CAMSAP2: variants seen among roughly 807,000 people sequenced by gnomAD.
CAMSAP2 encodes calmodulin regulated spectrin associated protein family member 2, also known as calmodulin-regulated spectrin-associated protein 2.
In CAMSAP2, 26 loss-of-function variants were observed where a neutral mutation model predicts 146.1. The observed-to-expected ratio is 0.18, with a 90% CI of 0.13 to 0.25. CAMSAP2 has a LOEUF of 0.25. Ranked by LOEUF, CAMSAP2 falls within the 10% of genes least tolerant of loss-of-function variation. CAMSAP2 has a pLI of 1.00. For missense variants in CAMSAP2, 1,381 were observed against 1,759.3 expected, an observed-to-expected ratio of 0.78 and a Z score of 3.85; for synonymous variants, 499 against 596.6, an observed-to-expected ratio of 0.84 and a Z score of 2.38.
Position 200,858,187 on chromosome 1 carries a change from C to T in CAMSAP2, c.*128C>T. 5.1e-6 allele frequency: 4 copies of T among 787,522 alleles called. No homozygotes were observed. The highest frequency in any genetic ancestry group is 3.9e-6 in the Non-Finnish European group (2 of 506,656). The allele number at this position is 787,522 out of a possible 1,614,324, so 48.8% of individuals were successfully genotyped here. A position where few individuals can be genotyped will look rare whatever the true frequency, so the allele number is the denominator to read the frequency against. On this transcript the variant is annotated 3_prime_UTR_variant, in exon 17 of 17. Transcript: ENST00000358823. The stretch of plus-strand genomic sequence containing the variant: ...AAAACTGGACATTAAGCTCTGTTGT[C>T]ATGAACAACTGGAATGTAAACCACA...
At chr1:200,790,311 T>G (rs1246759457) in intron 2 of CAMSAP2, among the ~76,000 whole-genome samples, 1 of 152,038 alleles carries the variant, frequency 6.6e-6, no homozygotes, top group East Asian at 1.9e-4. Flanking sequence ...TATTTAGAAA[T>G]TCTCTCTCCC....
At chr1:200,817,484 A>G (rs1213378099) in intron 4 of CAMSAP2, among the ~76,000 whole-genome samples, 1 of 152,152 alleles carries the variant, frequency 6.6e-6, no homozygotes, top group African/African-American at 2.4e-5. Context: ...ATGTATTGTA[A>G]TTGGAACCCT....
Position 200,832,900 on chromosome 1 carries a change from A to AAAAC in CAMSAP2, c.927+63_927+66dup. The AAAAC allele has an allele frequency of 2.8e-6, 4 of 1,418,898 alleles. No individual in the cohort carries two copies. Among genetic ancestry groups the AAAAC allele is most frequent in the Non-Finnish European group, 3.8e-6 (4 of 1,050,882 alleles). 87.9% of individuals were successfully genotyped at this position (1,418,898 alleles called of 1,614,324 possible). A position where few individuals can be genotyped will look rare whatever the true frequency, so the allele number is the denominator to read the frequency against. ...GCTTTGTTAAAATATGTTTTTTTAA[A>AAAAC]AAACAAACAAAAACACCGGGAACAG... On this transcript the variant is annotated intron_variant, in intron 6 of 16. Transcript: ENST00000358823. The surrounding 1 kb of genome is among the most constrained non-coding windows in gnomAD (Gnocchi z 4.2).
chr1:200,751,040 T>G (rs2102991712), intron 1 of CAMSAP2, among the ~76,000 whole-genome samples: 1 of 151,560 alleles, frequency 6.6e-6, no homozygotes, highest in Admixed American at 6.6e-5. Flanking sequence ...GTAGCTGGGA[T>G]TACAGGCACG....
At chr1:200,835,733 C>T (rs1426561614) in intron 6 of CAMSAP2, among the ~76,000 whole-genome samples, 1 of 152,060 alleles carries the variant, frequency 6.6e-6, no homozygotes, top group African/African-American at 2.4e-5. Flanking sequence ...CTGGTATTTT[C>T]AGGTAATAAC....
intron 2 of CAMSAP2, among the ~76,000 whole-genome samples, chr1:200,801,915 G>A (rs573530388): frequency 1.6e-4 from 25 of 152,242 alleles, no homozygotes; most frequent in Middle Eastern, 3.4e-3. Flanking sequence ...AGCTTTGAGA[G>A]GCAGGAGGAC....
intron 3 of CAMSAP2, among the ~76,000 whole-genome samples, chr1:200,810,180 C>T (rs926670925): frequency 5.3e-5 from 8 of 152,174 alleles, no homozygotes; most frequent in African/African-American, 1.9e-4. Context: ...GTCTGCATTT[C>T]TAACAAGCTC....
intron 6 of CAMSAP2, among the ~76,000 whole-genome samples, chr1:200,834,982 A>G (rs186818559): frequency 5.2e-4 from 79 of 152,302 alleles, no homozygotes; most frequent in African/African-American, 1.8e-3. Flanking sequence ...TGTTTAAAAT[A>G]GTAATTATTT....
intron 3 of CAMSAP2, 78 bp downstream of exon 3, chr1:200,807,615 A>G: frequency 9.4e-7 from 1 of 1,059,716 alleles, no homozygotes; most frequent in East Asian, 2.9e-5. Flanking sequence ...TTGCCACTTC[A>G]TTACTCTTTT....
At chr1:200,850,315 ATGCT>A in intron 11 of CAMSAP2, 81 bp downstream of exon 11, 1 of 1,253,912 alleles carries the variant, frequency 8.0e-7, no homozygotes. Context: ...TTCAGTTGAC[ATGCT>A]TGCTTCTTTC....
intron 2 of CAMSAP2, among the ~76,000 whole-genome samples, chr1:200,801,756 A>G (rs1666041708): frequency 6.6e-6 from 1 of 152,226 alleles, no homozygotes; most frequent in Admixed American, 6.5e-5. Flanking sequence ...TTATATTTAG[A>G]TGAGTTACCT....
chr1:200,849,695 A>G lies in CAMSAP2; in HGVS notation c.2926A>G (p.Arg976Gly), dbSNP rs1448276277. 6.2e-7 allele frequency: 1 copy of G among 1,614,092 alleles called. No homozygotes were observed. The highest frequency in any genetic ancestry group is 1.7e-5 in the Admixed American group (1 of 60,006). Residue 976 changes from arginine (R) to glycine (G), a missense_variant, in exon 11 of 17, where the codon AGG (arginine) becomes GGG (glycine). This residue lies in a region of CAMSAP2 where 560 missense variants were observed against 715.9 expected (regional missense o/e 0.78). Coordinates refer to ENST00000358823, the MANE Select transcript of CAMSAP2 (RefSeq NM_203459.4). This position sits in a 1 kb window ranked among gnomAD's most constrained non-coding sequence, Gnocchi z 6.3. ...KSASFSVKSQ[R>G]TPRPNELKIT... ...TGCATCTTTTTCTGTTAAAAGTCAA[A>G]GGACTCCTAGGCCAAATGAGTTAAA...
At chr1:200,743,827 A>G (rs548134858) in intron 1 of CAMSAP2, among the ~76,000 whole-genome samples, 2 of 152,138 alleles carry the variant, frequency 1.3e-5, no homozygotes, top group Non-Finnish European at 2.9e-5. Context: ...TGTAATCCCA[A>G]CTACTCAGGA....
At chr1:200,816,493 C>G (rs1177452149) in intron 4 of CAMSAP2, among the ~76,000 whole-genome samples, 1 of 130,588 alleles carries the variant, frequency 7.7e-6, no homozygotes, top group Non-Finnish European at 1.6e-5. Flanking sequence ...ACTCGGGAGA[C>G]AGAGGCAGGA....
rs533150534 is a variant in CAMSAP2 at position 200,763,044 on chromosome 1, C to T, written c.399+1946C>T. ...CCTCCCAAGTAGCTGAGATTATAGG[C>T]GTGCATCACCATGCCCAGCTAATTT... On this transcript the variant is annotated intron_variant, in intron 2 of 16. Transcript: ENST00000358823. 9.0e-4 allele frequency among the ~76,000 whole-genome samples: 137 copies of T among 152,122 alleles called. 1 individual carries two copies. The highest frequency in any genetic ancestry group is 3.2e-3 in the African/African-American group (133 of 41,516).
chr1:200,831,440 G>T (rs1048997160), intron 4 of CAMSAP2, among the ~76,000 whole-genome samples: 13 of 152,102 alleles, frequency 8.5e-5, no homozygotes, highest in Admixed American at 2.6e-4. Context: ...GCAGAACCAG[G>T]ATCTGAACCA....
In CAMSAP2 at chr1:200,739,807, C is replaced by T. The variant is rs1664101011; in HGVS notation, c.-21C>T. 1.3e-6 allele frequency: 2 copies of T among 1,583,122 alleles called. No homozygotes were observed. The highest frequency in any genetic ancestry group is 1.7e-6 in the Non-Finnish European group (2 of 1,161,028). Reference sequence around the variant, plus strand: ...CATGTGAAGGTTAGGGCCGGGACATCCCGAGGAGCCGCGGTGAAAGATGGG... The same window carrying T: ...CATGTGAAGGTTAGGGCCGGGACATTCCGAGGAGCCGCGGTGAAAGATGGG... On this transcript the variant is annotated 5_prime_UTR_variant, in exon 1 of 17. Transcript: ENST00000358823. The surrounding 1 kb of genome is among the most constrained non-coding windows in gnomAD (Gnocchi z 4.8).
Position 200,848,413 on chromosome 1 carries a change from A to C in CAMSAP2, c.1644A>C (p.Ile548=). 1 of 1,613,998 alleles carries C rather than the reference A, an allele frequency of 6.2e-7. No individual in the cohort carries two copies. Among genetic ancestry groups the C allele is most frequent in the South Asian group, 1.1e-5 (1 of 91,064 alleles). Residue 548 remains isoleucine (I), a synonymous_variant, in exon 11 of 17, where the codon ATA becomes ATC. Coordinates refer to ENST00000358823, the MANE Select transcript of CAMSAP2 (RefSeq NM_203459.4). ...CAAGCATTGAAGAAGCATTACAAAT[A>C]ATTCATGATACTGAAAAATCTCCTC... ...ETPSIEEALQ[I]IHDTEKSPHT... is the part of the protein sequence containing the mutation.
intron 4 of CAMSAP2, among the ~76,000 whole-genome samples, chr1:200,825,773 T>TG (rs1156496361): frequency 6.6e-6 from 1 of 152,188 alleles, no homozygotes; most frequent in Non-Finnish European, 1.5e-5. Flanking sequence ...CCCAAAGTGC[T>TG]GGGATTACAG....
Sources: allele counts gnomAD v4.1 joint callset (sites outside exome capture counted in the v4.1 genomes callset), GRCh38; gene constraint gnomAD v4.1.1; regional missense constraint gnomAD v4.1.1; non-coding constraint Gnocchi (gnomAD v3.1); transcripts MANE v1.5; gene names NCBI Gene and HGNC (gene_info 2026-07-23, HGNC 2026-07-21).